The following PLEKHH1 variants were observed in gnomAD, a reference collection of about 807,000 sequenced individuals.
The protein encoded by PLEKHH1 is pleckstrin homology, MyTH4 and FERM domain containing H1, also known as pleckstrin homology domain-containing family H member 1.
Under a neutral mutation model 160.0 loss-of-function variants are expected in PLEKHH1, and 104 were observed. The ratio of observed to expected loss-of-function variants is 0.65; its 90% confidence interval spans 0.55 to 0.76. The LOEUF (loss-of-function observed/expected upper bound fraction) is 0.76. Ranked by LOEUF, PLEKHH1 falls within the 30% of genes least tolerant of loss-of-function variation. The pLI is 0.00. For synonymous variants in PLEKHH1, 619 were observed against 678.4 expected, an observed-to-expected ratio of 0.91 and a Z score of 1.36; for missense variants, 1,427 against 1,724.1, an observed-to-expected ratio of 0.83 and a Z score of 3.05.
intron 15 of PLEKHH1, 30 bp downstream of exon 15, chr14:67,575,502 TCTCCTGCTTCCCCCG>T (rs770959910): frequency 7.3e-7 from 1 of 1,377,174 alleles, no homozygotes; most frequent in Non-Finnish European, 1.0e-6. Flanking sequence ...CAATACCCAC[TCTCCTGCTTCCCCCG>T]AAGCACATGA....
rs1272414140 is a variant in PLEKHH1 at position 67,582,365 on chromosome 14, G to A, written c.3426+155G>A. The A allele has an allele frequency of 3.1e-6, 4 of 1,282,502 alleles. No homozygotes were observed. The highest frequency in any genetic ancestry group is 2.0e-5 in the Admixed American group (1 of 49,008). The allele number at this position is 1,282,502 out of a possible 1,614,324, so 79.4% of individuals were successfully genotyped here. A position where few individuals can be genotyped will look rare whatever the true frequency, so the allele number is the denominator to read the frequency against. On this transcript the variant is annotated intron_variant, in intron 24 of 28. Coordinates refer to ENST00000329153, the MANE Select transcript of PLEKHH1 (RefSeq NM_020715.3). This position sits in a 1 kb window ranked among gnomAD's most constrained non-coding sequence, Gnocchi z 5.0. ...GGATGGAAAGCAGCTGACTTCTACA[G>A]ATCAGAGCTCCTCACTCACCGCAGA... is the stretch of plus-strand genomic sequence containing the variant.
Position 67,588,655 on chromosome 14 carries a change from A to T in PLEKHH1, c.*1420A>T, listed in dbSNP as rs1354217508. 6.6e-6 allele frequency: 1 copy of T among 152,266 alleles called. No homozygotes were observed. The highest frequency in any genetic ancestry group is 1.5e-5 in the Non-Finnish European group (1 of 68,034). 9.4% of individuals were successfully genotyped at this position (152,266 alleles called of 1,614,324 possible). A position where few individuals can be genotyped will look rare whatever the true frequency, so the allele number is the denominator to read the frequency against. Reference sequence around the variant, plus strand: ...AAAGAGTTCATACTCTGATTTTCCAACATCTAGGAAACTGAGTTTTATTTC... The same window carrying T: ...AAAGAGTTCATACTCTGATTTTCCATCATCTAGGAAACTGAGTTTTATTTC... On this transcript the variant is annotated 3_prime_UTR_variant, in exon 29 of 29. Transcript: ENST00000329153.
At chr14:67,555,466 G>A (rs1400372405) in intron 2 of PLEKHH1, among the ~76,000 whole-genome samples, 1 of 152,182 alleles carries the variant, frequency 6.6e-6, no homozygotes, top group Non-Finnish European at 1.5e-5. Context: ...CCAATGCTGA[G>A]AGGAAAGGGG....
Position 67,573,963 on chromosome 14 carries a change from G to A in PLEKHH1, c.1926+76G>A. 1 of 1,053,192 alleles carries A rather than the reference G, an allele frequency of 9.5e-7. No individual in the cohort carries two copies. The highest frequency in any genetic ancestry group is 1.7e-5 in the Admixed American group (1 of 57,806). The allele number at this position is 1,053,192 out of a possible 1,614,324, so 65.2% of individuals were successfully genotyped here. On this transcript the variant is annotated intron_variant, in intron 13 of 28. Transcript: ENST00000329153. This position sits in a 1 kb window ranked among gnomAD's most constrained non-coding sequence, Gnocchi z 4.8. Reference sequence around the variant, plus strand: ...TGGATATGGCCGTGAGTGAGACAAAGATGGGGCCAAATGAGCATGAATGAA... The same window carrying A: ...TGGATATGGCCGTGAGTGAGACAAAAATGGGGCCAAATGAGCATGAATGAA...
chr14:67,561,049 C>T (rs191267463), intron 5 of PLEKHH1, among the ~76,000 whole-genome samples: 63 of 152,244 alleles, frequency 4.1e-4, no homozygotes, highest in Admixed American at 9.8e-4. Context: ...TACATCTTTT[C>T]CTCTGTCCTC....
intron 26 of PLEKHH1, among the ~76,000 whole-genome samples, chr14:67,584,497 C>A (rs2036056318): frequency 6.6e-6 from 1 of 152,204 alleles, no homozygotes; most frequent in Non-Finnish European, 1.5e-5. Flanking sequence ...AATCAAATTA[C>A]TTAGCCAACA....
rs533929022 is a variant in PLEKHH1 at position 67,571,634 on chromosome 14, G to C, written c.1435-118G>C. On this transcript the variant is annotated intron_variant, in intron 9 of 28. Transcript: ENST00000329153. ...CTTACACTGGACAGTTGTCTGTTCA[G>C]AGTCCCGGCTGGGGGTTGGCCACAC... 17 of 950,040 alleles carry C rather than the reference G, an allele frequency of 1.8e-5. No individual in the cohort carries two copies. In the South Asian group the frequency reaches 2.0e-4, roughly 11 times the overall value. 58.9% of individuals were successfully genotyped at this position (950,040 alleles called of 1,614,324 possible). A position where few individuals can be genotyped will look rare whatever the true frequency, so the allele number is the denominator to read the frequency against.
chr14:67,553,184 T>A (rs997091638), intron 2 of PLEKHH1, among the ~76,000 whole-genome samples: 1 of 152,190 alleles, frequency 6.6e-6, no homozygotes, highest in African/African-American at 2.4e-5. Context: ...AAATATGAAT[T>A]ATCATTTCTA....
chr14:67,550,966 A>G (rs2034369664), intron 2 of PLEKHH1, among the ~76,000 whole-genome samples: 1 of 152,234 alleles, frequency 6.6e-6, no homozygotes, highest in South Asian at 2.1e-4. Context: ...GAGTTAATGC[A>G]TGTACAGTGC....
chr14:67,589,329 A>G lies in PLEKHH1; in HGVS notation c.*2094A>G, dbSNP rs1214256863. 2.0e-6 allele frequency: 2 copies of G among 979,592 alleles called. No homozygotes were observed. Among genetic ancestry groups the G allele is most frequent in the Non-Finnish European group, 2.4e-6 (2 of 824,786 alleles). 60.7% of individuals were successfully genotyped at this position (979,592 alleles called of 1,614,324 possible). On this transcript the variant is annotated 3_prime_UTR_variant, in exon 29 of 29. Transcript: ENST00000329153. ...CAAAGGATTCAATATTTGCTTATTT[A>G]TTCTTTGTTAACATGAGAGTCCCAT...
In PLEKHH1 at chr14:67,573,377, C is replaced by A; in HGVS notation, c.1830C>A (p.Tyr610Ter). The change falls in exon 12 of 29, where the codon TAC becomes TAA. Residue 610 changes from tyrosine to a stop codon, truncating the protein, a stop_gained. Coordinates refer to ENST00000329153, the MANE Select transcript of PLEKHH1 (RefSeq NM_020715.3). LOFTEE classifies it high-confidence loss of function. This position sits in a 1 kb window ranked among gnomAD's most constrained non-coding sequence, Gnocchi z 4.8. Reference protein sequence around the residue: ...FVLRQGQIMYYKSPSDVIRKP... With the variant: ...FVLRQGQIMY The stretch of plus-strand genomic sequence containing the variant: ...TGAGACAGGGACAGATTATGTACTA[C>A]AAGTCCCCGGTGAGAGTCTCCCCGC... The A allele has an allele frequency of 6.3e-7, 1 of 1,597,818 alleles. No individual in the cohort carries two copies. The highest frequency in any genetic ancestry group is 1.3e-5 in the African/African-American group (1 of 74,718).
rs1727375042 is a variant in PLEKHH1 at position 67,576,649 on chromosome 14, A to G, written c.2461+146A>G. 3.7e-6 allele frequency: 2 copies of G among 546,836 alleles called. No homozygotes were observed. The highest frequency in any genetic ancestry group is 6.5e-6 in the Non-Finnish European group (2 of 305,418). 33.9% of individuals were successfully genotyped at this position (546,836 alleles called of 1,614,324 possible). A position where few individuals can be genotyped will look rare whatever the true frequency, so the allele number is the denominator to read the frequency against. Reference sequence around the variant, plus strand: ...GAGGGGAAGTTCCCATCCAAGCTCCAGGGCCCCTCTGTCTCCGGCTGAGAT... The same window carrying G: ...GAGGGGAAGTTCCCATCCAAGCTCCGGGGCCCCTCTGTCTCCGGCTGAGAT... On this transcript the variant is annotated intron_variant, in intron 17 of 28. Coordinates refer to ENST00000329153, the MANE Select transcript of PLEKHH1 (RefSeq NM_020715.3). This position sits in a 1 kb window ranked among gnomAD's most constrained non-coding sequence, Gnocchi z 4.0.
intron 2 of PLEKHH1, among the ~76,000 whole-genome samples, chr14:67,542,970 C>G (rs2034032987): frequency 6.6e-6 from 1 of 152,176 alleles, no homozygotes. Flanking sequence ...CTCAGCCTCT[C>G]AAAGTGCTGG....
chr14:67,572,435 T>C (rs2035435176), intron 11 of PLEKHH1, among the ~76,000 whole-genome samples, 158 bp downstream of exon 11: 2 of 151,932 alleles, frequency 1.3e-5, no homozygotes, highest in East Asian at 3.9e-4. Flanking sequence ...TGTACAGTTA[T>C]GGAGTCAGAC....
intron 21 of PLEKHH1, 38 bp from the exon 22 acceptor site, chr14:67,579,683 G>C (rs1484234951): frequency 6.2e-7 from 1 of 1,601,322 alleles, no homozygotes. Context: ...CTCCTCTCAG[G>C]AGGTTCACTC....
chr14:67,580,037 C>A, intron 22 of PLEKHH1, 161 bp downstream of exon 22: 1 of 652,306 alleles, frequency 1.5e-6, no homozygotes, highest in Non-Finnish European at 2.6e-6. Context: ...CTAAAATGTA[C>A]CTGGGCAGGG....
chr14:67,575,626 T>C, intron 15 of PLEKHH1, 154 bp downstream of exon 15: 1 of 714,728 alleles, frequency 1.4e-6, no homozygotes, highest in Non-Finnish European at 2.5e-6. Context: ...AGATTCTGCC[T>C]GTCTGGGTCT....
rs2036238237 is a variant in PLEKHH1 at position 67,587,791 on chromosome 14, G to T, written c.*556G>T. ...TCGAACTCCTGACCTCAGGTGATCT[G>T]CCCACTTTGGCCTCCCAAAGTGCTG... On this transcript the variant is annotated 3_prime_UTR_variant, in exon 29 of 29. Transcript: ENST00000329153. 1 of 157,130 alleles carries T rather than the reference G, an allele frequency of 6.4e-6. No individual in the cohort carries two copies. Among genetic ancestry groups the T allele is most frequent in the Non-Finnish European group, 1.4e-5 (1 of 71,266 alleles). 9.7% of individuals were successfully genotyped at this position (157,130 alleles called of 1,614,324 possible).
chr14:67,565,751 C>G (rs1482840947), intron 7 of PLEKHH1, among the ~76,000 whole-genome samples: 1 of 152,156 alleles, frequency 6.6e-6, no homozygotes, highest in Non-Finnish European at 1.5e-5. Context: ...GGGGTGACAT[C>G]AGGGTGGACT....
Sources: gnomAD v4.1 joint callset for allele counts (sites outside exome capture counted in the v4.1 genomes callset) on GRCh38, gnomAD v4.1.1 for gene constraint, Gnocchi (gnomAD v3.1) non-coding constraint, MANE v1.5 for transcripts, NCBI Gene and HGNC (gene_info 2026-07-23, HGNC 2026-07-21) for gene names.